Variants in CSMD1 observed in about 807,000 individuals in gnomAD.
CSMD1 encodes the protein CUB and sushi domain-containing protein 1.
CSMD1 carries 213 observed loss-of-function variants against 417.5 expected under a neutral mutation model. The observed-to-expected ratio is 0.51, with a 90% CI of 0.46 to 0.57. The LOEUF (loss-of-function observed/expected upper bound fraction) is 0.57, where lower values mean the gene tolerates loss of function less well. Among genes scored for constraint, CSMD1 ranks in the 20% least tolerant of loss-of-function variants. The pLI, the probability that CSMD1 is intolerant of heterozygous loss-of-function variation, is 0.00. For synonymous variants in CSMD1, 2,862 were observed against 1,736.8 expected, an observed-to-expected ratio of 1.65 and a Z score of -16.11; for missense variants, 6,923 against 4,529.7, an observed-to-expected ratio of 1.53 and a Z score of -15.17.
At chr8:3,283,253 G>A (rs868493567) in intron 26 of CSMD1, among the ~76,000 whole-genome samples, 2 of 152,108 alleles carry the variant, frequency 1.3e-5, no homozygotes, top group African/African-American at 2.4e-5. Context: ...TGTTTGATTA[G>A]CAGGTTGTTT....
At position 4,208,533 on chromosome 8, in the gene CSMD1, A is replaced by G. The variant is rs111919618; in HGVS notation, c.416-176434T>C. On this transcript the variant is annotated intron_variant, in intron 3 of 69. Transcript: ENST00000635120. ...GTGATATACCATAAGAACAGATTAT[A>G]TTTTTAAACTTCAATATCAGATTGA... is the stretch of plus-strand genomic sequence containing the variant. 3.2e-3 allele frequency among the ~76,000 whole-genome samples: 486 copies of G among 152,344 alleles called. 2 individuals are homozygous for G. The highest frequency in any genetic ancestry group is 0.017 in the Middle Eastern group (5 of 294).
chr8:4,446,755 CTGTGT>C lies in CSMD1; in HGVS notation c.303-26695_303-26691del, dbSNP rs1798825656. On this transcript the variant is annotated intron_variant, in intron 2 of 69. Coordinates refer to ENST00000635120, the MANE Select transcript of CSMD1 (RefSeq NM_033225.6). ...TGTCTGTGTGTGTGTGTGTGTGTGT[CTGTGT>C]GTGTGTGTGTGTGTGTGTGTGTGTG... Among the ~76,000 whole-genome samples the C allele has an allele frequency of 7.0e-4, 93 of 133,018 alleles. 1 individual carries two copies. The South Asian group carries it at 0.017, about 24-fold the overall frequency. The allele number at this position is 133,018 out of a possible 152,430, so 87.3% of individuals were successfully genotyped here. A position where few individuals can be genotyped will look rare whatever the true frequency, so the allele number is the denominator to read the frequency against.
At chr8:4,160,740 G>A (rs1298144727) in intron 3 of CSMD1, among the ~76,000 whole-genome samples, 1 of 152,170 alleles carries the variant, frequency 6.6e-6, no homozygotes, top group Non-Finnish European at 1.5e-5. Flanking sequence ...TTTCTATAAG[G>A]TGATACTACA....
chr8:3,904,260 C>G (rs1563196046), intron 5 of CSMD1, among the ~76,000 whole-genome samples: 1 of 152,172 alleles, frequency 6.6e-6, no homozygotes, highest in Non-Finnish European at 1.5e-5. Flanking sequence ...AGCACCTTCC[C>G]TTACCAAACA....
rs567286069 is a variant in CSMD1 at position 4,293,162 on chromosome 8, T to C, written c.415+126791A>G. ...TCCCGCACCTGCCCTTTGTCCAGTA[T>C]ACTCTGAGGACTGAACCTCCCTGGC... On this transcript the variant is annotated intron_variant, in intron 3 of 69. Transcript: ENST00000635120. Among the ~76,000 whole-genome samples, 6 of 152,240 alleles carry C rather than the reference T, an allele frequency of 3.9e-5. No individual in the cohort carries two copies. The East Asian group carries it at 9.7e-4, about 25-fold the overall frequency.
At chr8:4,700,062 C>T (rs1807420931) in intron 1 of CSMD1, among the ~76,000 whole-genome samples, 1 of 152,250 alleles carries the variant, frequency 6.6e-6, no homozygotes, top group Admixed American at 6.5e-5. Flanking sequence ...ACCACTGAGT[C>T]CTTTTCCTAA....
At chr8:4,742,803 C>A (rs539334491) in intron 1 of CSMD1, among the ~76,000 whole-genome samples, 4 of 152,138 alleles carry the variant, frequency 2.6e-5, no homozygotes, top group African/African-American at 4.8e-5. Flanking sequence ...TTATATAAAT[C>A]GCAGAAAATT....
chr8:3,865,159 G>T (rs1056164246), intron 5 of CSMD1, among the ~76,000 whole-genome samples: 4 of 152,174 alleles, frequency 2.6e-5, no homozygotes, highest in African/African-American at 9.7e-5. Flanking sequence ...CTCAGGCTCC[G>T]ATTCCTTGGG....
At position 4,883,598 on chromosome 8, in the gene CSMD1, C is replaced by A. The variant is rs573598649; in HGVS notation, c.85+110734G>T. Among the ~76,000 whole-genome samples, 6 of 152,110 alleles carry A rather than the reference C, an allele frequency of 3.9e-5. No individual in the cohort carries two copies. The South Asian group carries it at 1.2e-3, about 32-fold the overall frequency. On this transcript the variant is annotated intron_variant, in intron 1 of 69. Coordinates refer to ENST00000635120, the MANE Select transcript of CSMD1 (RefSeq NM_033225.6). ...GAATCACATAATATTTTGTGGCTGG[C>A]TTCTTTCACTTAGTATAATCTGTCA...
chr8:3,144,703 A>G (rs1215319898), intron 40 of CSMD1, among the ~76,000 whole-genome samples: 2 of 151,480 alleles, frequency 1.3e-5, no homozygotes, highest in African/African-American at 4.9e-5. Flanking sequence ...CCAGTGAGCT[A>G]TTGTTTCTAA....
intron 5 of CSMD1, among the ~76,000 whole-genome samples, chr8:3,824,244 A>C (rs1801914854): frequency 6.6e-6 from 1 of 150,752 alleles, no homozygotes; most frequent in Non-Finnish European, 1.5e-5. Flanking sequence ...TTCCAAAAAA[A>C]CAAAAACCAA....
chr8:2,961,771 A>G (rs557726546), intron 61 of CSMD1, among the ~76,000 whole-genome samples: 1 of 152,236 alleles, frequency 6.6e-6, no homozygotes, highest in Admixed American at 6.5e-5. Flanking sequence ...AGTTACCAGT[A>G]GAAAAACAAA....
In CSMD1 at chr8:4,816,071, G is replaced by A. The variant is rs145958019; in HGVS notation, c.85+178261C>T. ...GCACAGATAAACACAGCAGGACTGG[G>A]TTTAGGGAGCAGAACTGGGCAGAAT... On this transcript the variant is annotated intron_variant, in intron 1 of 69. Transcript: ENST00000635120. Among the ~76,000 whole-genome samples the A allele has an allele frequency of 1.3e-3, 203 of 152,314 alleles. No homozygotes were observed. The Middle Eastern group carries it at 0.014, about 10-fold the overall frequency.
At chr8:4,649,175 A>G (rs1460562761) in intron 1 of CSMD1, among the ~76,000 whole-genome samples, 1 of 152,188 alleles carries the variant, frequency 6.6e-6, no homozygotes, top group Non-Finnish European at 1.5e-5. Flanking sequence ...ATGAAGGCAG[A>G]TACCTTTATT....
rs545224725 is a variant in CSMD1 at position 3,766,673 on chromosome 8, TA to T, written c.819-12632del. 5.0e-3 allele frequency among the ~76,000 whole-genome samples: 753 copies of T among 149,394 alleles called. 9 individuals carry two copies. The highest frequency in any genetic ancestry group is 0.015 in the African/African-American group (629 of 40,794). On this transcript the variant is annotated intron_variant, in intron 5 of 69. Transcript: ENST00000635120. ...AAGACTGATAATAAAGAAAATAATT[TA>T]AAAAAAAAACATGGTAACAATTTAT...
chr8:3,892,706 T>C (rs889855517), intron 5 of CSMD1, among the ~76,000 whole-genome samples: 1 of 139,870 alleles, frequency 7.1e-6, no homozygotes, highest in Non-Finnish European at 1.5e-5. Context: ...TTTGAGTACA[T>C]TTAGGCAGGT....
intron 4 of CSMD1, among the ~76,000 whole-genome samples, chr8:3,999,508 T>C (rs111480777): frequency 1.2e-4 from 19 of 152,322 alleles, no homozygotes; most frequent in African/African-American, 4.6e-4. Flanking sequence ...GAACCAATCT[T>C]GTCGGCAACA....
At chr8:4,391,488 C>A (rs188751352) in intron 3 of CSMD1, among the ~76,000 whole-genome samples, 2 of 152,260 alleles carry the variant, frequency 1.3e-5, no homozygotes, top group South Asian at 2.1e-4. Context: ...CTCTGACCCA[C>A]ACCCTCTGCT....
intron 6 of CSMD1, among the ~76,000 whole-genome samples, chr8:3,712,904 G>A (rs547610595): frequency 6.6e-6 from 1 of 152,112 alleles, no homozygotes; most frequent in Non-Finnish European, 1.5e-5. Flanking sequence ...TTGACAGAAG[G>A]AATAAGTTCA....
Sources: allele counts gnomAD v4.1 joint callset (sites outside exome capture counted in the v4.1 genomes callset), GRCh38; gene constraint gnomAD v4.1.1; transcripts MANE v1.5; gene names NCBI Gene and HGNC (gene_info 2026-07-23, HGNC 2026-07-21).